The following ENTREP2 variants were observed in gnomAD, a reference collection of about 807,000 sequenced individuals.
The protein encoded by ENTREP2 is endosomal transmembrane epsin interactor 2.
the ENTREP2 span, among the ~76,000 whole-genome samples, chr15:29,619,197 C>G: frequency 6.6e-6 from 1 of 152,158 alleles, no homozygotes; most frequent in South Asian, 2.1e-4. Flanking sequence ...TCAAGACCAT[C>G]CTGGCTAACA....
At chr15:29,389,284 A>G in the ENTREP2 span, among the ~76,000 whole-genome samples, 1 of 152,116 alleles carries the variant, frequency 6.6e-6, no homozygotes, top group African/African-American at 2.4e-5. Context: ...CACCTAGTCT[A>G]TGCTATTTCG....
chr15:29,373,228 A>G, the ENTREP2 span, among the ~76,000 whole-genome samples: 1 of 152,126 alleles, frequency 6.6e-6, no homozygotes, highest in Non-Finnish European at 1.5e-5. Flanking sequence ...CCAAGGAGGG[A>G]CAGTGACAGT....
the ENTREP2 span, among the ~76,000 whole-genome samples, chr15:29,497,472 T>C: frequency 3.3e-5 from 5 of 152,172 alleles, no homozygotes; most frequent in African/African-American, 1.2e-4. Context: ...AGACTTCTTT[T>C]TCTTCACGAT....
the ENTREP2 span, among the ~76,000 whole-genome samples, chr15:29,528,481 T>C: frequency 2.0e-5 from 3 of 152,140 alleles, no homozygotes; most frequent in Non-Finnish European, 4.4e-5. Flanking sequence ...CATTCCTGCC[T>C]AGCAAGCCTA....
the ENTREP2 span, among the ~76,000 whole-genome samples, chr15:29,203,542 T>C: frequency 3.9e-5 from 6 of 152,248 alleles, no homozygotes; most frequent in Non-Finnish European, 7.3e-5. Context: ...ATTTCTCTAA[T>C]GATCAGTGAT....
At chr15:29,206,745 T>C in the ENTREP2 span, among the ~76,000 whole-genome samples, 6 of 152,238 alleles carry the variant, frequency 3.9e-5, no homozygotes, top group Admixed American at 3.9e-4. Flanking sequence ...ACGGTAAATA[T>C]ACTAAGAAAA....
chr15:29,410,018 C>T, the ENTREP2 span, among the ~76,000 whole-genome samples: 1 of 152,174 alleles, frequency 6.6e-6, no homozygotes, highest in Non-Finnish European at 1.5e-5. Context: ...AAGAGCAGGT[C>T]GCCCTAGCGC....
chr15:29,159,883 C>T, the ENTREP2 span, among the ~76,000 whole-genome samples: 8 of 152,262 alleles, frequency 5.3e-5, no homozygotes, highest in Admixed American at 2.6e-4. Flanking sequence ...CGGTGGATCC[C>T]GCAGGTGGAG....
chr15:29,596,001 C>A, the ENTREP2 span, among the ~76,000 whole-genome samples: 2 of 152,100 alleles, frequency 1.3e-5, no homozygotes, highest in Non-Finnish European at 2.9e-5. Flanking sequence ...CAGCCTTTCT[C>A]AAAAAAGCCC....
chr15:29,598,208 C>G, the ENTREP2 span, among the ~76,000 whole-genome samples: 5 of 152,160 alleles, frequency 3.3e-5, no homozygotes, highest in Admixed American at 3.3e-4. Flanking sequence ...TGCATTCCCA[C>G]CAATAAATGA....
At chr15:29,653,204 G>A in the ENTREP2 span, among the ~76,000 whole-genome samples, 1 of 152,180 alleles carries the variant, frequency 6.6e-6, no homozygotes, top group Admixed American at 6.5e-5. Context: ...GTTGACAGCA[G>A]CTACCCAAGT....
At chr15:29,524,914 C>T in the ENTREP2 span, among the ~76,000 whole-genome samples, 281 of 152,368 alleles carry the variant, frequency 1.8e-3, 1 homozygote, top group Middle Eastern at 6.8e-3. Context: ...GCTCGAATGC[C>T]TGGGTTTATA....
chr15:29,327,544 G>A, the ENTREP2 span, among the ~76,000 whole-genome samples: 4,572 of 148,802 alleles, frequency 0.031, 229 homozygotes, highest in African/African-American at 0.11. Flanking sequence ...GCAGTGAGCC[G>A]AGATTGCAAC....
the ENTREP2 span, among the ~76,000 whole-genome samples, chr15:29,544,263 G>C: frequency 2.0e-5 from 3 of 152,130 alleles, no homozygotes; most frequent in Non-Finnish European, 4.4e-5. Context: ...AATATTAATT[G>C]ATATTTGGAG....
the ENTREP2 span, among the ~76,000 whole-genome samples, chr15:29,208,705 C>A: frequency 2.6e-5 from 4 of 152,186 alleles, no homozygotes; most frequent in Non-Finnish European, 4.4e-5. Flanking sequence ...ATCCTATAAC[C>A]TACAGACTTC....
At chr15:29,616,868 A>C in the ENTREP2 span, among the ~76,000 whole-genome samples, 234 of 152,176 alleles carry the variant, frequency 1.5e-3, no homozygotes, top group Non-Finnish European at 2.5e-3. Context: ...TGAGGTCAGG[A>C]GTTTCAGACC....
At chr15:29,333,171 A>T in the ENTREP2 span, among the ~76,000 whole-genome samples, 1 of 152,078 alleles carries the variant, frequency 6.6e-6, no homozygotes, top group Admixed American at 6.5e-5. Flanking sequence ...ACATGAAGAA[A>T]TGGCTATGGA....
chr15:29,285,458 A>AT, the ENTREP2 span, among the ~76,000 whole-genome samples: 1 of 152,234 alleles, frequency 6.6e-6, no homozygotes, highest in African/African-American at 2.4e-5. Flanking sequence ...TTCCCAAAAC[A>AT]TTTGAAAAAC....
the ENTREP2 span, among the ~76,000 whole-genome samples, chr15:29,129,770 G>A: frequency 1.3e-5 from 2 of 152,252 alleles, no homozygotes; most frequent in South Asian, 4.1e-4. Context: ...GTGGGCCATG[G>A]TTTCCACCTC....
Sources: gnomAD v4.1 joint callset for allele counts (sites outside exome capture counted in the v4.1 genomes callset) on GRCh38, gnomAD v4.1.1 for gene constraint, MANE v1.5 for transcripts, NCBI Gene and HGNC (gene_info 2026-07-23, HGNC 2026-07-21) for gene names.